The following ANK1 variants were observed in gnomAD, a reference collection of about 807,000 sequenced individuals.
ANK1 encodes the protein ankyrin 1, also known as ankyrin-1.
ANK1 carries 51 observed loss-of-function variants against 210.4 expected under a neutral mutation model. That is an observed-to-expected ratio of 0.24 (90% CI 0.19 to 0.31). The LOEUF (loss-of-function observed/expected upper bound fraction) is 0.31, where lower values mean the gene tolerates loss of function less well. ANK1 is among the 10% of genes least tolerant of loss of function. The probability of loss-of-function intolerance (pLI) is 1.00; values close to 1 mark genes in which losing one functional copy is unlikely to be tolerated. For synonymous variants in ANK1, 967 were observed against 1,025.9 expected (o/e 0.94, Z 1.10); for missense variants, 2,051 against 2,504.4 (o/e 0.82, Z 3.86).
Position 41,673,007 on chromosome 8 carries a change from C to T in ANK1, c.4538-95G>A, listed in dbSNP as rs757147547. 45 of 1,304,736 alleles carry T rather than the reference C, an allele frequency of 3.4e-5. No individual in the cohort carries two copies. In the Middle Eastern group the frequency reaches 1.3e-3, roughly 37 times the overall value. 80.8% of individuals were successfully genotyped at this position (1,304,736 alleles called of 1,614,324 possible). On this transcript the variant is annotated intron_variant, in intron 37 of 42. Coordinates refer to ENST00000289734, the MANE Select transcript of ANK1 (RefSeq NM_000037.4). ...ACGCACACGCACGAACACACACATG[C>T]GGGTGCGGCCACAGAGATGCATGCA...
chr8:41,678,496 C>T (rs887815552), intron 37 of ANK1, among the ~76,000 whole-genome samples: 3 of 152,186 alleles, frequency 2.0e-5, no homozygotes, highest in Admixed American at 6.5e-5. Context: ...ACTGTAATTT[C>T]ACATATTAGG....
At chr8:41,702,290 T>G in intron 20 of ANK1, 146 bp from the exon 21 acceptor site, 1 of 648,380 alleles carries the variant, frequency 1.5e-6, no homozygotes, top group Non-Finnish European at 2.7e-6. Context: ...CAGAAAGAGA[T>G]CCCTGCACGT....
At chr8:41,796,910 T>C (rs1563794845) in intron 1 of ANK1, among the ~76,000 whole-genome samples, 1 of 152,002 alleles carries the variant, frequency 6.6e-6, no homozygotes, top group Non-Finnish European at 1.5e-5. Context: ...TTGAAAAATA[T>C]CCATGAGAGC....
intron 37 of ANK1, among the ~76,000 whole-genome samples, chr8:41,674,641 T>C (rs1813579758): frequency 6.6e-6 from 1 of 152,234 alleles, no homozygotes; most frequent in Non-Finnish European, 1.5e-5. Context: ...TGTACCTGTG[T>C]GTTCAACGTG....
intron 2 of ANK1, among the ~76,000 whole-genome samples, chr8:41,755,541 G>A (rs1838915204): frequency 6.6e-6 from 1 of 152,196 alleles, no homozygotes; most frequent in South Asian, 2.1e-4. Flanking sequence ...GCCTCCAGGT[G>A]TGCATCTCTG....
At chr8:41,884,677 A>G (rs1818150058) in intron 1 of ANK1, among the ~76,000 whole-genome samples, 1 of 152,130 alleles carries the variant, frequency 6.6e-6, no homozygotes, top group Non-Finnish European at 1.5e-5. Context: ...TCTACAAGAA[A>G]TAAAAAAATA....
intron 13 of ANK1, among the ~76,000 whole-genome samples, chr8:41,716,574 A>AATG (rs1827737405): frequency 6.6e-6 from 1 of 152,036 alleles, no homozygotes; most frequent in African/African-American, 2.4e-5. Flanking sequence ...ACCCCCGCAA[A>AATG]ATGTGTTTAC....
Position 41,696,442 on chromosome 8 carries a change from T to C in ANK1, c.2881A>G (p.Thr961Ala). ...CRLVKPQKLSTPPPLAEEEGL... is the reference protein window; with the variant it reads ...CRLVKPQKLSAPPPLAEEEGL... ...TCCTCCTCGGCCAGTGGGGGCGGCG[T>C]GCTGAGCTTCTGGGGCTTGACCAGG... Residue 961 changes from threonine to alanine, a missense_variant, in exon 26 of 43, where the codon ACG (threonine) becomes GCG (alanine). By Grantham distance (58) the Thr-to-Ala change is moderately conservative (BLOSUM62 0). Coordinates refer to ENST00000289734, the MANE Select transcript of ANK1 (RefSeq NM_000037.4). The C allele has an allele frequency of 1.2e-6, 2 of 1,613,314 alleles. No homozygotes were observed. The highest frequency in any genetic ancestry group is 1.7e-6 in the Non-Finnish European group (2 of 1,179,892).
chr8:41,844,621 G>T (rs545567112), intron 1 of ANK1, among the ~76,000 whole-genome samples: 1 of 152,342 alleles, frequency 6.6e-6, no homozygotes, highest in Admixed American at 6.5e-5. Flanking sequence ...TCTCGGGCAT[G>T]CCCCAGAATC....
At chr8:41,706,450 G>T (rs1265317465) in intron 17 of ANK1, among the ~76,000 whole-genome samples, 2 of 152,208 alleles carry the variant, frequency 1.3e-5, no homozygotes, top group Non-Finnish European at 2.9e-5. Context: ...AACTTTTGCT[G>T]TTAAGGGCCA....
intron 1 of ANK1, among the ~76,000 whole-genome samples, chr8:41,783,433 G>T (rs565772629): frequency 1.3e-5 from 2 of 152,284 alleles, no homozygotes; most frequent in East Asian, 3.9e-4. Flanking sequence ...TACTCTTGCT[G>T]GTAGCAACCT....
intron 17 of ANK1, among the ~76,000 whole-genome samples, chr8:41,708,463 C>T (rs12543210): frequency 5.5e-4 from 83 of 152,146 alleles, no homozygotes; most frequent in Admixed American, 1.4e-3. Flanking sequence ...AGGTAGGCAC[C>T]GGCCTATATT....
At chr8:41,772,053 TC>T (rs1187261272) in intron 1 of ANK1, among the ~76,000 whole-genome samples, 2 of 152,174 alleles carry the variant, frequency 1.3e-5, no homozygotes, top group African/African-American at 4.8e-5. Flanking sequence ...GTGGCTCCTC[TC>T]TACAGGGACA....
rs765479653 is a variant in ANK1 at position 41,694,924 on chromosome 8, C to T, written c.3116-121G>A. 88 of 1,177,520 alleles carry T rather than the reference C, an allele frequency of 7.5e-5. No homozygotes were observed. Among genetic ancestry groups the T allele is most frequent in the Admixed American group, 1.3e-4 (7 of 52,794 alleles). The allele number at this position is 1,177,520 out of a possible 1,614,324, so 72.9% of individuals were successfully genotyped here. On this transcript the variant is annotated intron_variant, in intron 27 of 42. Coordinates refer to ENST00000289734, the MANE Select transcript of ANK1 (RefSeq NM_000037.4). This position sits in a 1 kb window ranked among gnomAD's most constrained non-coding sequence, Gnocchi z 5.7. ...GCACACACCCTCCCCAGGTGCCGGG[C>T]GGCATAGTGGCCAGAAGAAGTGGCC...
At chr8:41,887,123 A>G (rs1289426009) in intron 1 of ANK1, among the ~76,000 whole-genome samples, 4 of 152,092 alleles carry the variant, frequency 2.6e-5, no homozygotes, top group African/African-American at 9.7e-5. Flanking sequence ...GAAGACACAC[A>G]GTCAGAGAAA....
intron 9 of ANK1, among the ~76,000 whole-genome samples, chr8:41,720,299 G>A (rs561656415): frequency 6.6e-6 from 1 of 152,240 alleles, no homozygotes; most frequent in East Asian, 1.9e-4. Flanking sequence ...ATACATGCAT[G>A]TAACACACAT....
chr8:41,832,018 G>A (rs913440371), intron 1 of ANK1, among the ~76,000 whole-genome samples: 5 of 152,162 alleles, frequency 3.3e-5, no homozygotes, highest in Non-Finnish European at 7.3e-5. Context: ...TGGGAAAAGC[G>A]GGGAGGATTT....
intron 37 of ANK1, among the ~76,000 whole-genome samples, chr8:41,681,075 G>A (rs1815831589): frequency 6.6e-6 from 1 of 152,188 alleles, no homozygotes; most frequent in Non-Finnish European, 1.5e-5. Flanking sequence ...CTGGTTCTGT[G>A]CTGACCCAGA....
intron 1 of ANK1, chr8:41,803,233 CTTG>C (rs1445091272): frequency 3.3e-5 from 5 of 151,820 alleles, no homozygotes; most frequent in Non-Finnish European, 5.9e-5. Context: ...CCTTTGCCCT[CTTG>C]TTTGATATTT....
Sources: gnomAD v4.1 joint callset for allele counts (sites outside exome capture counted in the v4.1 genomes callset) on GRCh38, gnomAD v4.1.1 for gene constraint, Gnocchi (gnomAD v3.1) non-coding constraint, MANE v1.5 for transcripts, NCBI Gene and HGNC (gene_info 2026-07-23, HGNC 2026-07-21) for gene names.